Variants in CADPS2 observed in about 807,000 individuals in gnomAD.
CADPS2 encodes the protein calcium-dependent secretion activator 2.
CADPS2 carries 93 observed loss-of-function variants against 172.5 expected under a neutral mutation model. The ratio of observed to expected loss-of-function variants is 0.54; its 90% CI spans 0.46 to 0.64. The LOEUF is 0.64. Ranked by LOEUF, CADPS2 falls within the 30% of genes least tolerant of loss-of-function variation. The pLI is 0.00. For missense variants in CADPS2, 1,420 were observed against 1,565.9 expected (o/e 0.91, Z 1.57); for synonymous variants, 546 against 555.2 (o/e 0.98, Z 0.23).
In CADPS2 at chr7:122,333,978, T is replaced by G. The variant is rs758933881; in HGVS notation, c.3613-8397A>C. 2.5e-3 allele frequency among the ~76,000 whole-genome samples: 378 copies of G among 152,000 alleles called. 3 individuals are homozygous for G. Among genetic ancestry groups the G allele is most frequent in the Non-Finnish European group, 3.4e-3 (232 of 67,980 alleles). ...TGAATACCAGAGCCAGATTCACTGT[T>G]GACTTGAATCACATATTTCCTTAAC... On this transcript the variant is annotated intron_variant, in intron 28 of 29. Coordinates refer to ENST00000449022, the MANE Select transcript of CADPS2 (RefSeq NM_017954.11).
chr7:122,830,807 T>C (rs1437734169), intron 1 of CADPS2, among the ~76,000 whole-genome samples: 1 of 152,184 alleles, frequency 6.6e-6, no homozygotes, highest in Non-Finnish European at 1.5e-5. Context: ...TCATTCTATT[T>C]AATAAACAGA....
chr7:122,779,131 A>C (rs963051525), intron 1 of CADPS2, among the ~76,000 whole-genome samples: 1 of 152,180 alleles, frequency 6.6e-6, no homozygotes, highest in Non-Finnish European at 1.5e-5. Flanking sequence ...CTCCCCAGCC[A>C]TGTGGAACTG....
At chr7:122,733,921 A>T (rs2091904363) in intron 2 of CADPS2, among the ~76,000 whole-genome samples, 1 of 152,086 alleles carries the variant, frequency 6.6e-6, no homozygotes, top group Non-Finnish European at 1.5e-5. Flanking sequence ...AGTCGGGGTG[A>T]CTGAATGAGA....
chr7:122,332,631 C>T (rs897046233), intron 28 of CADPS2, among the ~76,000 whole-genome samples: 4 of 152,076 alleles, frequency 2.6e-5, no homozygotes, highest in Non-Finnish European at 5.9e-5. Flanking sequence ...ACTTTCCTAT[C>T]TTTGGCATTC....
At chr7:122,573,336 G>A (rs749129756) in intron 7 of CADPS2, among the ~76,000 whole-genome samples, 3 of 152,036 alleles carry the variant, frequency 2.0e-5, no homozygotes, top group Non-Finnish European at 4.4e-5. Flanking sequence ...GAGCCCAGGA[G>A]TTCAAGACCA....
chr7:122,678,337 G>A (rs1274242183), intron 2 of CADPS2, among the ~76,000 whole-genome samples: 2 of 152,132 alleles, frequency 1.3e-5, no homozygotes, highest in Non-Finnish European at 2.9e-5. Context: ...TCATCCAATG[G>A]ATTCTTCCCA....
intron 9 of CADPS2, among the ~76,000 whole-genome samples, chr7:122,510,034 C>A (rs1448827966): frequency 6.6e-6 from 1 of 151,974 alleles, no homozygotes; most frequent in Non-Finnish European, 1.5e-5. Flanking sequence ...GTTCAAATCT[C>A]AAATACAGAG....
At chr7:122,806,016 A>T (rs1589307975) in intron 1 of CADPS2, among the ~76,000 whole-genome samples, 1 of 152,246 alleles carries the variant, frequency 6.6e-6, no homozygotes, top group African/African-American at 2.4e-5. Flanking sequence ...ATATTAGAGC[A>T]CTGAATGTGC....
chr7:122,727,304 G>A (rs546874335), intron 2 of CADPS2, among the ~76,000 whole-genome samples: 1 of 151,704 alleles, frequency 6.6e-6, no homozygotes, highest in Non-Finnish European at 1.5e-5. Context: ...GCCTTTCCTT[G>A]GGCCTGGGAA....
At chr7:122,501,518 G>T (rs2059197393) in intron 9 of CADPS2, among the ~76,000 whole-genome samples, 1 of 151,912 alleles carries the variant, frequency 6.6e-6, no homozygotes, top group South Asian at 2.1e-4. Context: ...CAGCTTTCAT[G>T]GATGAGGGAA....
chr7:122,331,640 AAAAAC>A (rs151301947), intron 28 of CADPS2, among the ~76,000 whole-genome samples: 22,891 of 152,082 alleles, frequency 0.15, 1,747 homozygotes, highest in African/African-American at 0.16. Context: ...CTCTGTCTCA[AAAAAC>A]AAAACAAAAC....
At chr7:122,679,765 C>T (rs574574335) in intron 2 of CADPS2, among the ~76,000 whole-genome samples, 2 of 152,166 alleles carry the variant, frequency 1.3e-5, no homozygotes, top group African/African-American at 2.4e-5. Context: ...TCAGACCGGC[C>T]AACACTGAGG....
chr7:122,821,388 A>G (rs1803239699), intron 1 of CADPS2, among the ~76,000 whole-genome samples: 1 of 152,154 alleles, frequency 6.6e-6, no homozygotes, highest in Non-Finnish European at 1.5e-5. Context: ...TCCATCTGCT[A>G]TTCTACTACT....
chr7:122,681,621 C>A (rs2430028), intron 2 of CADPS2: 214,874 of 1,480,164 alleles, frequency 0.15, 16,323 homozygotes, highest in Non-Finnish European at 0.15. Context: ...CAGATTTAGA[C>A]CTGCGGGTGC....
At chr7:122,560,378 C>T (rs1205846482) in intron 7 of CADPS2, among the ~76,000 whole-genome samples, 3 of 152,088 alleles carry the variant, frequency 2.0e-5, no homozygotes, top group African/African-American at 7.2e-5. Context: ...ATATAGGTAA[C>T]ATTTAGTAAA....
chr7:122,606,261 G>C (rs1342054346), intron 6 of CADPS2, among the ~76,000 whole-genome samples: 1 of 152,126 alleles, frequency 6.6e-6, no homozygotes, highest in East Asian at 1.9e-4. Context: ...CCTTTGTAAA[G>C]CGGGAGAAGG....
intron 1 of CADPS2, among the ~76,000 whole-genome samples, chr7:122,809,529 G>T (rs1397320613): frequency 6.6e-6 from 1 of 150,574 alleles, no homozygotes; most frequent in Non-Finnish European, 1.5e-5. Context: ...GCAGTGCGCT[G>T]AGATCGTGCC....
rs568491143 is a variant in CADPS2, at chr7:122,501,735, C to T, written c.1543-10315G>A. Among the ~76,000 whole-genome samples, 89 of 151,736 alleles carry T rather than the reference C, an allele frequency of 5.9e-4. No homozygotes were observed. In the South Asian group the frequency reaches 0.011, roughly 18 times the overall value. Reference sequence around the variant, plus strand: ...CTAAAAATACAAAAAATTAGCCAGGCGTGGTGGCACACGCCTGTAGTCCCA... The same window carrying T: ...CTAAAAATACAAAAAATTAGCCAGGTGTGGTGGCACACGCCTGTAGTCCCA... On this transcript the variant is annotated intron_variant, in intron 9 of 29. Coordinates refer to ENST00000449022, the MANE Select transcript of CADPS2 (RefSeq NM_017954.11).
intron 9 of CADPS2, among the ~76,000 whole-genome samples, chr7:122,499,313 A>G (rs970174277): frequency 2.6e-5 from 4 of 152,212 alleles, no homozygotes; most frequent in African/African-American, 9.6e-5. Context: ...TGCATGAGCA[A>G]TAAAATCTCA....
Sources: gnomAD v4.1 joint callset for allele counts (sites outside exome capture counted in the v4.1 genomes callset) on GRCh38, gnomAD v4.1.1 for gene constraint, MANE v1.5 for transcripts, NCBI Gene and HGNC (gene_info 2026-07-23, HGNC 2026-07-21) for gene names.